Variants in CSTF3 observed in about 807,000 individuals in gnomAD.
CSTF3 encodes the protein CF-1 77 kDa subunit.
A neutral mutation model predicts 105.8 loss-of-function variants in CSTF3; 29 were observed. That is an observed-to-expected ratio of 0.27 (90% CI 0.20 to 0.37). The LOEUF (loss-of-function observed/expected upper bound fraction) is 0.37, where lower values mean the gene tolerates loss of function less well. CSTF3 is among the 10% of genes least tolerant of loss of function. The pLI, the probability that CSTF3 is intolerant of heterozygous loss-of-function variation, is 1.00. For synonymous variants in CSTF3, 252 were observed against 281.9 expected (o/e 0.89, Z 1.06); for missense variants, 357 against 879.3 (o/e 0.41, Z 7.51).
intron 3 of CSTF3, among the ~76,000 whole-genome samples, chr11:33,121,800 T>A (rs1855492601): frequency 6.6e-6 from 1 of 152,184 alleles, no homozygotes; most frequent in Non-Finnish European, 1.5e-5. Context: ...AATAAACACA[T>A]ATGGCCATTC....
chr11:33,155,822 A>T (rs551278574), intron 1 of CSTF3, among the ~76,000 whole-genome samples: 15 of 152,302 alleles, frequency 9.8e-5, no homozygotes, highest in African/African-American at 3.6e-4. Context: ...ATTCAGAGAC[A>T]TGGTAGAAAA....
chr11:33,150,235 AAAAAGAAAAGAAAAG>A (rs1418113946), intron 1 of CSTF3, among the ~76,000 whole-genome samples: 2 of 106,456 alleles, frequency 1.9e-5, no homozygotes, highest in Non-Finnish European at 4.8e-5. Context: ...AAAAAAAAAA[AAAAAGAAAAGAAAAG>A]AAAAGAAAAC....
intron 3 of CSTF3, among the ~76,000 whole-genome samples, chr11:33,130,697 T>C (rs985076514): frequency 6.6e-6 from 1 of 152,050 alleles, no homozygotes; most frequent in Non-Finnish European, 1.5e-5. Context: ...GATGTAAAAA[T>C]TACTGCTCTC....
intron 14 of CSTF3, 31 bp downstream of exon 14, chr11:33,096,799 GTTGTT>G: frequency 8.3e-6 from 13 of 1,564,124 alleles, no homozygotes; most frequent in Non-Finnish European, 1.1e-5. Context: ...GATGAAGGAA[GTTGTT>G]TTATCTTTAC....
At chr11:33,153,329 T>C (rs1004117092) in intron 1 of CSTF3, among the ~76,000 whole-genome samples, 2 of 152,220 alleles carry the variant, frequency 1.3e-5, no homozygotes, top group Non-Finnish European at 2.9e-5. Context: ...GGATAGGTGA[T>C]GTAGCCTCTG....
At chr11:33,088,690 A>G (rs905581524) in intron 17 of CSTF3, among the ~76,000 whole-genome samples, 23 of 151,908 alleles carry the variant, frequency 1.5e-4, no homozygotes, top group African/African-American at 5.3e-4. Context: ...ACGGCTCACT[A>G]AAGTAGGCTC....
intron 3 of CSTF3, among the ~76,000 whole-genome samples, chr11:33,140,809 A>G (rs1855702708): frequency 6.6e-6 from 1 of 152,122 alleles, no homozygotes; most frequent in Non-Finnish European, 1.5e-5. Context: ...AGAAATGCGT[A>G]TAATTTTCAG....
At chr11:33,149,654 C>T (rs757204024) in intron 1 of CSTF3, among the ~76,000 whole-genome samples, 10 of 152,176 alleles carry the variant, frequency 6.6e-5, no homozygotes, top group African/African-American at 9.7e-5. Flanking sequence ...AAGGCCGAGA[C>T]GGGCAGATCA....
At chr11:33,145,055 A>G (rs182202047) in intron 1 of CSTF3, 1 of 152,768 alleles carries the variant, frequency 6.5e-6, no homozygotes, top group Admixed American at 6.5e-5. Flanking sequence ...CAAAATAAAA[A>G]AAGACAAACG....
At chr11:33,095,830 A>ATAAG (rs1263607242) in intron 15 of CSTF3, among the ~76,000 whole-genome samples, 3 of 150,722 alleles carry the variant, frequency 2.0e-5, no homozygotes, top group Non-Finnish European at 4.4e-5. Context: ...AAATAAATAA[A>ATAAG]TAAATAAATA....
chr11:33,123,188 A>G (rs1241382434), intron 3 of CSTF3, among the ~76,000 whole-genome samples: 1 of 150,554 alleles, frequency 6.6e-6, no homozygotes, highest in African/African-American at 2.4e-5. Flanking sequence ...GTAAAGATGA[A>G]AAAAAAAAAC....
chr11:33,098,456 G>A (rs1323428410), intron 13 of CSTF3, among the ~76,000 whole-genome samples: 1 of 152,106 alleles, frequency 6.6e-6, no homozygotes, highest in Non-Finnish European at 1.5e-5. Flanking sequence ...AATTGTCAGA[G>A]GTAAGGGCAG....
chr11:33,121,447 C>T (rs1341547171), intron 3 of CSTF3, among the ~76,000 whole-genome samples: 5 of 152,148 alleles, frequency 3.3e-5, no homozygotes, highest in East Asian at 3.9e-4. Context: ...AAAGGCTTAA[C>T]GAAAACATAT....
chr11:33,109,289 T>G (rs1855356144), intron 3 of CSTF3, among the ~76,000 whole-genome samples: 1 of 152,202 alleles, frequency 6.6e-6, no homozygotes, highest in Admixed American at 6.5e-5. Context: ...AATAAATATT[T>G]TGGCTGATTA....
At chr11:33,149,416 A>G (rs186214839) in intron 1 of CSTF3, among the ~76,000 whole-genome samples, 13 of 152,392 alleles carry the variant, frequency 8.5e-5, no homozygotes, top group African/African-American at 3.1e-4. Context: ...GCCTTTTAAC[A>G]TAACAGCTAT....
intron 3 of CSTF3, among the ~76,000 whole-genome samples, chr11:33,139,746 G>A (rs780285599): frequency 9.9e-5 from 15 of 151,948 alleles, no homozygotes; most frequent in Admixed American, 2.6e-4. Context: ...ATTTGTGCGC[G>A]TGTGTATGTT....
At chr11:33,133,707 T>C (rs1855623830) in intron 3 of CSTF3, among the ~76,000 whole-genome samples, 2 of 152,122 alleles carry the variant, frequency 1.3e-5, no homozygotes, top group South Asian at 4.1e-4. Flanking sequence ...TAGTTGGGTG[T>C]GGTGGAGCAC....
At chr11:33,111,112 C>A (rs1855375163) in intron 3 of CSTF3, among the ~76,000 whole-genome samples, 1 of 152,120 alleles carries the variant, frequency 6.6e-6, no homozygotes, top group Non-Finnish European at 1.5e-5. Flanking sequence ...CGCCTGTAAT[C>A]CCAGCTACTC....
intron 3 of CSTF3, among the ~76,000 whole-genome samples, chr11:33,114,859 A>AT (rs1855415518): frequency 6.6e-6 from 1 of 152,184 alleles, no homozygotes; most frequent in Non-Finnish European, 1.5e-5. Context: ...AAAAAAAAAA[A>AT]TTGATAAATA....
Sources: gnomAD v4.1 joint callset for allele counts (sites outside exome capture counted in the v4.1 genomes callset) on GRCh38, gnomAD v4.1.1 for gene constraint, MANE v1.5 for transcripts, NCBI Gene and HGNC (gene_info 2026-07-23, HGNC 2026-07-21) for gene names.